POTEH: variants seen among roughly 807,000 people sequenced by gnomAD.
POTEH encodes POTE ankyrin domain family member H.
Under a neutral mutation model 41.7 loss-of-function variants are expected in POTEH, and 6 were observed. The ratio of observed to expected loss-of-function variants is 0.14; its 90% CI spans 0.08 to 0.28. The LOEUF is 0.28. Among genes scored for constraint, POTEH ranks in the 10% least tolerant of loss-of-function variants. The pLI, the probability that POTEH is intolerant of heterozygous loss-of-function variation, is 1.00. For synonymous variants in POTEH, 38 were observed against 179.9 expected (o/e 0.21, Z 6.31); for missense variants, 115 against 533.5 (o/e 0.22, Z 7.73).
At chr22:15,691,989 T>C (rs1418148947) in intron 1 of POTEH, among the ~76,000 whole-genome samples, 9 of 32,760 alleles carry the variant, frequency 2.7e-4, no homozygotes, top group South Asian at 2.7e-3. Flanking sequence ...CAGATACATA[T>C]ATATATATAT....
intron 9 of POTEH, among the ~76,000 whole-genome samples, chr22:15,713,934 CTAATAAATAGTTATTTGATTAGCTGT>C (rs1412217023): frequency 6.6e-6 from 1 of 152,186 alleles, no homozygotes; most frequent in Non-Finnish European, 1.5e-5. Flanking sequence ...ACGTAGCTAC[CTAATAAATAGTTATTTGATTAGCTGT>C]TGAGTATCAC....
intron 9 of POTEH, among the ~76,000 whole-genome samples, chr22:15,711,353 A>C (rs1224285928): frequency 1.1e-4 from 16 of 152,024 alleles, no homozygotes; most frequent in Non-Finnish European, 2.4e-4. Flanking sequence ...TCAGCCACAT[A>C]ATAAGCAAAA....
At chr22:15,691,358 C>T (rs1297377563) in intron 1 of POTEH, among the ~76,000 whole-genome samples, 3 of 127,942 alleles carry the variant, frequency 2.3e-5, no homozygotes, top group African/African-American at 8.4e-5. Context: ...CCCGTCTCTA[C>T]TAAAAAATAT....
At chr22:15,692,009 A>AATAAAAC (rs1191101811) in intron 1 of POTEH, among the ~76,000 whole-genome samples, 156 of 128,526 alleles carry the variant, frequency 1.2e-3, no homozygotes, top group Non-Finnish European at 1.7e-3. Context: ...TATATATATA[A>AATAAAAC]ATTTCTTTTT....
intron 9 of POTEH, among the ~76,000 whole-genome samples, chr22:15,713,236 G>A (rs10154349): frequency 6.3e-3 from 916 of 145,220 alleles, no homozygotes; most frequent in South Asian, 0.014. Flanking sequence ...TTTTTCTCAA[G>A]GTTATCACTA....
At chr22:15,697,989 G>T (rs1320238412) in intron 3 of POTEH, among the ~76,000 whole-genome samples, 1 of 150,372 alleles carries the variant, frequency 6.7e-6, no homozygotes, top group African/African-American at 2.5e-5. Context: ...CTTTAAGTAT[G>T]TAGAGCTTTG....
intron 9 of POTEH, among the ~76,000 whole-genome samples, chr22:15,713,928 A>T (rs1989874500): frequency 1.3e-5 from 2 of 152,222 alleles, no homozygotes; most frequent in African/African-American, 2.4e-5. Context: ...TATCAGACGT[A>T]GCTACCTAAT....
chr22:15,705,382 A>T (rs1167064467), intron 6 of POTEH, among the ~76,000 whole-genome samples: 17 of 108,160 alleles, frequency 1.6e-4, no homozygotes, highest in African/African-American at 3.5e-4. Context: ...TTTTGGTGTT[A>T]TGCTTTTTTC....
At chr22:15,696,834 A>C (rs1010434902) in intron 3 of POTEH, among the ~76,000 whole-genome samples, 1 of 141,900 alleles carries the variant, frequency 7.0e-6, no homozygotes, top group Non-Finnish European at 1.5e-5. Context: ...TTTTGGCCAA[A>C]TCTTCAAATA....
chr22:15,713,562 C>T (rs1157281910), intron 9 of POTEH, among the ~76,000 whole-genome samples: 32 of 152,104 alleles, frequency 2.1e-4, no homozygotes, highest in African/African-American at 4.8e-4. Flanking sequence ...TTCATTGGCA[C>T]GATCTTGGCT....
Position 15,692,152 on chromosome 22 carries a change from C to T in POTEH, c.632+1443C>T, listed in dbSNP as rs1336454928. ...ACTGAGTAGCTGGGATTACAGGCGC[C>T]TGCCACCACACCTGGCTAATTGTTT... On this transcript the variant is annotated intron_variant, in intron 1 of 10. Transcript: ENST00000343518. Among the ~76,000 whole-genome samples the T allele has an allele frequency of 1.5e-5, 2 of 129,438 alleles. 1 individual carries two copies. The highest frequency in any genetic ancestry group is 3.5e-5 in the Non-Finnish European group (2 of 56,582). The allele number at this position is 129,438 out of a possible 152,430, so 84.9% of individuals were successfully genotyped here. A position where few individuals can be genotyped will look rare whatever the true frequency, so the allele number is the denominator to read the frequency against.
chr22:15,713,192 G>GT (rs1369002276), intron 9 of POTEH, among the ~76,000 whole-genome samples: 1 of 152,286 alleles, frequency 6.6e-6, no homozygotes, highest in African/African-American at 2.4e-5. Flanking sequence ...CTCAATGCCA[G>GT]TAAGTCTTCA....
intron 9 of POTEH, among the ~76,000 whole-genome samples, chr22:15,713,378 C>T (rs572370625): frequency 2.0e-5 from 3 of 152,418 alleles, no homozygotes; most frequent in African/African-American, 7.2e-5. Context: ...ACCTCACTCC[C>T]TCAGGCTTTT....
chr22:15,693,360 CTAT>C (rs1234560260), intron 1 of POTEH, among the ~76,000 whole-genome samples: 1 of 151,142 alleles, frequency 6.6e-6, no homozygotes, highest in African/African-American at 2.4e-5. Flanking sequence ...TTCTCACATT[CTAT>C]TATTTATTTT....
intron 1 of POTEH, among the ~76,000 whole-genome samples, chr22:15,692,379 G>A (rs1989342097): frequency 1.4e-5 from 2 of 147,180 alleles, no homozygotes; most frequent in South Asian, 2.2e-4. Flanking sequence ...TGACCTATGT[G>A]CATAGGAAAA....
In POTEH at chr22:15,690,274, G is replaced by A; in HGVS notation, c.197G>A (p.Cys66Tyr). The change falls in exon 1 of 11, where the codon TGC becomes TAC. Residue 66 changes from cysteine to tyrosine, a missense_variant. Transcript: ENST00000343518. ...AGGAGCAAGATGGGCAAGTGGTGCT[G>A]CCACTGCTTCCCCTGGTGCAGGGGG... is the stretch of plus-strand genomic sequence containing the variant. ...TLRSKMGKWCCHCFPWCRGSG... is the reference protein window; with the variant it reads ...TLRSKMGKWCYHCFPWCRGSG... 1.4e-6 allele frequency: 2 copies of A among 1,411,490 alleles called. No individual in the cohort carries two copies. Among genetic ancestry groups the A allele is most frequent in the Non-Finnish European group, 2.0e-6 (2 of 1,021,398 alleles). 87.4% of individuals were successfully genotyped at this position (1,411,490 alleles called of 1,614,324 possible).
rs1989608403 is a variant in POTEH at position 15,703,679 on chromosome 22, T to C, written c.1237+923T>C. Among the ~76,000 whole-genome samples the C allele has an allele frequency of 1.3e-5, 2 of 149,456 alleles. 1 individual carries two copies. The highest frequency in any genetic ancestry group is 3.0e-5 in the Non-Finnish European group (2 of 67,672). ...AAAATGCTAGTATGCTACCTGATTGTAGACACCTAATACACTGTATAGTCC... is the reference window on the plus strand; with the variant it reads ...AAAATGCTAGTATGCTACCTGATTGCAGACACCTAATACACTGTATAGTCC... On this transcript the variant is annotated intron_variant, in intron 6 of 10. Coordinates refer to ENST00000343518, the MANE Select transcript of POTEH (RefSeq NM_001136213.1).
At chr22:15,691,764 C>T (rs1278280463) in intron 1 of POTEH, among the ~76,000 whole-genome samples, 1 of 147,922 alleles carries the variant, frequency 6.8e-6, no homozygotes, top group African/African-American at 2.4e-5. Flanking sequence ...TAAAACAGAA[C>T]AGGAAATTTA....
In POTEH at chr22:15,716,495, CTG is replaced by C. The variant is rs1360679574; in HGVS notation, c.1521-3163_1521-3162del. 3.8e-5 allele frequency among the ~76,000 whole-genome samples: 2 copies of C among 53,106 alleles called. 1 individual carries two copies. Among genetic ancestry groups the C allele is most frequent in the Non-Finnish European group, 8.0e-5 (2 of 25,082 alleles). The allele number at this position is 53,106 out of a possible 152,430, so 34.8% of individuals were successfully genotyped here. A position where few individuals can be genotyped will look rare whatever the true frequency, so the allele number is the denominator to read the frequency against. On this transcript the variant is annotated intron_variant, in intron 9 of 10. Coordinates refer to ENST00000343518, the MANE Select transcript of POTEH (RefSeq NM_001136213.1). ...TTCCTTTTTATGTTCACTTTTTTCTCTGTACAATAATAGTGATGTTGTTATAC... is the reference window on the plus strand; with the variant it reads ...TTCCTTTTTATGTTCACTTTTTTCTCTACAATAATAGTGATGTTGTTATAC...
Sources: allele counts gnomAD v4.1 joint callset (sites outside exome capture counted in the v4.1 genomes callset), GRCh38; gene constraint gnomAD v4.1.1; transcripts MANE v1.5; gene names NCBI Gene and HGNC (gene_info 2026-07-23, HGNC 2026-07-21).